Variants in PTPRD observed in about 807,000 individuals in gnomAD.
PTPRD encodes the protein receptor-type tyrosine-protein phosphatase delta.
In PTPRD, 34 loss-of-function variants were observed where a neutral mutation model predicts 214.5. That is an observed-to-expected ratio of 0.16 (90% CI 0.12 to 0.21). PTPRD has a LOEUF of 0.21. PTPRD is among the 10% of genes least tolerant of loss of function. PTPRD has a pLI of 1.00. For synonymous variants in PTPRD, 1,128 were observed against 845.7 expected, an observed-to-expected ratio of 1.33 and a Z score of -5.79; for missense variants, 2,545 against 2,398.7, an observed-to-expected ratio of 1.06 and a Z score of -1.27.
At chr9:8,933,339 G>GTTTTTTTTTTTTTTTTTTTTTTTTTTT (rs1567089304) in intron 11 of PTPRD, among the ~76,000 whole-genome samples, 2 of 68,822 alleles carry the variant, frequency 2.9e-5, no homozygotes. Context: ...ACAACCTTGA[G>GTTTTTTTTTTTTTTTTTTTTTTTTTTT]GTTTTTTTTT....
chr9:9,428,169 T>A (rs1040255096), intron 8 of PTPRD, among the ~76,000 whole-genome samples: 2 of 152,010 alleles, frequency 1.3e-5, no homozygotes, highest in Non-Finnish European at 2.9e-5. Flanking sequence ...AGGAGATCCA[T>A]CTCACGTGCA....
At chr9:9,373,609 C>G (rs2060080899) in intron 9 of PTPRD, among the ~76,000 whole-genome samples, 1 of 152,088 alleles carries the variant, frequency 6.6e-6, no homozygotes, top group Non-Finnish European at 1.5e-5. Context: ...GGTCACCTCA[C>G]TCCAATCTCT....
At chr9:9,221,733 A>G (rs2099956194) in intron 9 of PTPRD, among the ~76,000 whole-genome samples, 1 of 152,058 alleles carries the variant, frequency 6.6e-6, no homozygotes, top group African/African-American at 2.4e-5. Flanking sequence ...TCTAGCATAT[A>G]CACTTTGGAG....
At chr9:9,454,931 T>C (rs189632002) in intron 8 of PTPRD, among the ~76,000 whole-genome samples, 43 of 151,670 alleles carry the variant, frequency 2.8e-4, no homozygotes, top group Non-Finnish European at 3.0e-5. Context: ...TTAAATAGAA[T>C]CTGTATAATC....
chr9:9,417,837 T>G (rs2142265864), intron 8 of PTPRD, among the ~76,000 whole-genome samples: 1 of 152,224 alleles, frequency 6.6e-6, no homozygotes, highest in African/African-American at 2.4e-5. Flanking sequence ...GTGAAAGCAC[T>G]TTGAACATAC....
intron 39 of PTPRD, among the ~76,000 whole-genome samples, chr9:8,358,386 A>C (rs1188549197): frequency 6.6e-6 from 1 of 152,204 alleles, no homozygotes; most frequent in African/African-American, 2.4e-5. Context: ...AATTAAGCAT[A>C]ACAGAGCAAA....
chr9:8,711,784 A>C (rs1378423113), intron 12 of PTPRD, among the ~76,000 whole-genome samples: 2 of 152,224 alleles, frequency 1.3e-5, no homozygotes, highest in African/African-American at 2.4e-5. Flanking sequence ...CAGCCCATAA[A>C]TGTTTATTGT....
intron 3 of PTPRD, among the ~76,000 whole-genome samples, chr9:10,162,736 T>TATATATACATATACATATATATAA (rs1372510062): frequency 6.9e-6 from 1 of 144,298 alleles, no homozygotes; most frequent in African/African-American, 2.5e-5. Flanking sequence ...CATGTACATA[T>TATATATACATATACATATATATAA]ATATATACAT....
At chr9:10,481,390 T>A (rs889804035) in intron 2 of PTPRD, among the ~76,000 whole-genome samples, 5 of 152,196 alleles carry the variant, frequency 3.3e-5, no homozygotes, top group Non-Finnish European at 7.4e-5. Context: ...TAATCTGATA[T>A]TCATATTGAA....
chr9:10,525,437 G>A (rs2053943507), intron 2 of PTPRD, among the ~76,000 whole-genome samples: 2 of 151,908 alleles, frequency 1.3e-5, no homozygotes. Context: ...TATATACTCA[G>A]TACAAATTAC....
At chr9:8,532,761 T>C (rs1286199917) in intron 14 of PTPRD, among the ~76,000 whole-genome samples, 1 of 152,074 alleles carries the variant, frequency 6.6e-6, no homozygotes, top group African/African-American at 2.4e-5. Context: ...GATTACTACA[T>C]ACTTGTGCTT....
chr9:9,654,847 T>C (rs1036634108), intron 7 of PTPRD, among the ~76,000 whole-genome samples: 2 of 152,180 alleles, frequency 1.3e-5, no homozygotes, highest in African/African-American at 4.8e-5. Flanking sequence ...AAGGCATCCC[T>C]ATATTAAAAG....
At chr9:9,345,224 A>T (rs2048348991) in intron 9 of PTPRD, among the ~76,000 whole-genome samples, 2 of 152,174 alleles carry the variant, frequency 1.3e-5, no homozygotes. Context: ...ACTTGCACTT[A>T]GAGATATATT....
At chr9:9,016,060 G>A (rs2099533766) in intron 11 of PTPRD, among the ~76,000 whole-genome samples, 1 of 152,034 alleles carries the variant, frequency 6.6e-6, no homozygotes, top group South Asian at 2.1e-4. Context: ...AAGAGTTGTA[G>A]GATTAAAAAA....
chr9:10,345,349 C>G (rs554916261), intron 2 of PTPRD, among the ~76,000 whole-genome samples: 1 of 151,910 alleles, frequency 6.6e-6, no homozygotes, highest in Non-Finnish European at 1.5e-5. Context: ...CACATGCCAT[C>G]GTGGTTTGCT....
At chr9:9,277,240 T>C (rs997162265) in intron 9 of PTPRD, among the ~76,000 whole-genome samples, 2 of 151,436 alleles carry the variant, frequency 1.3e-5, no homozygotes, top group Admixed American at 1.3e-4. Flanking sequence ...CCCTATGTTT[T>C]TGAATATTCT....
At chr9:10,174,852 T>C (rs1216629812) in intron 3 of PTPRD, among the ~76,000 whole-genome samples, 1 of 152,140 alleles carries the variant, frequency 6.6e-6, no homozygotes, top group African/African-American at 2.4e-5. Context: ...GTTAGTCTAC[T>C]TTCTTTTGTT....
intron 14 of PTPRD, among the ~76,000 whole-genome samples, chr9:8,575,863 G>T (rs1188264817): frequency 6.6e-6 from 1 of 151,940 alleles, no homozygotes; most frequent in East Asian, 1.9e-4. Context: ...ACTGCACAGG[G>T]TACCAAAGAT....
intron 2 of PTPRD, among the ~76,000 whole-genome samples, chr9:10,574,948 T>A (rs575159818): frequency 6.6e-6 from 1 of 151,608 alleles, no homozygotes; most frequent in Non-Finnish European, 1.5e-5. Context: ...TGAGAATAAA[T>A]CTCACAGGAA....
Sources: gnomAD v4.1 joint callset for allele counts (sites outside exome capture counted in the v4.1 genomes callset) on GRCh38, gnomAD v4.1.1 for gene constraint, MANE v1.5 for transcripts, NCBI Gene and HGNC (gene_info 2026-07-23, HGNC 2026-07-21) for gene names.